Variants in AGMO observed in about 807,000 individuals in gnomAD.
AGMO encodes alkylglycerol monooxygenase, also known as glyceryl-ether monooxygenase.
AGMO carries 75 observed loss-of-function variants against 60.2 expected under a neutral mutation model. The observed-to-expected ratio is 1.25, with a 90% CI of 1.03 to 1.51. The LOEUF (loss-of-function observed/expected upper bound fraction) is 1.51. Ranked by LOEUF, AGMO falls within the 40% of genes most tolerant of loss-of-function variation. The pLI, the probability that AGMO is intolerant of heterozygous loss-of-function variation, is 0.00. For missense variants in AGMO, 763 were observed against 525.5 expected (o/e 1.45, Z -4.42); for synonymous variants, 261 against 177.1 (o/e 1.47, Z -3.76).
At chr7:15,270,338 CATATT>C (rs981194685) in intron 12 of AGMO, among the ~76,000 whole-genome samples, 1 of 151,842 alleles carries the variant, frequency 6.6e-6, no homozygotes, top group African/African-American at 2.4e-5. Context: ...GAGATGATAT[CATATT>C]GAGATTTTAA....
At chr7:15,206,340 T>C in intron 12 of AGMO, among the ~76,000 whole-genome samples, 1 of 152,036 alleles carries the variant, frequency 6.6e-6, no homozygotes, top group East Asian at 1.9e-4. Context: ...AAATATTCTA[T>C]ATATACAAAC....
At chr7:15,300,365 G>T (rs1342431345) in intron 12 of AGMO, among the ~76,000 whole-genome samples, 1 of 152,010 alleles carries the variant, frequency 6.6e-6, no homozygotes, top group Non-Finnish European at 1.5e-5. Flanking sequence ...ACCAAATTTG[G>T]GTATGTTGAA....
chr7:15,178,957 C>T, the AGMO span, among the ~76,000 whole-genome samples: 1 of 152,050 alleles, frequency 6.6e-6, no homozygotes, highest in Admixed American at 6.6e-5. Flanking sequence ...GGAAATCAGA[C>T]AGAATTTGTC....
intron 3 of AGMO, among the ~76,000 whole-genome samples, chr7:15,450,146 C>A (rs913671107): frequency 3.3e-5 from 5 of 152,066 alleles, no homozygotes; most frequent in Middle Eastern, 3.2e-3. Flanking sequence ...CAGGGCCGGG[C>A]GCGGTGGCTC....
chr7:15,496,660 C>T lies in AGMO; in HGVS notation c.409+48112G>A, dbSNP rs533834105. On this transcript the variant is annotated intron_variant, in intron 3 of 12. Transcript: ENST00000342526. ...TGAAAAAGTTCATTGTAAAATCTAG[C>T]GAGTGGGTGGTTATGTGAGTGTTTT... 5.3e-5 allele frequency among the ~76,000 whole-genome samples: 8 copies of T among 152,110 alleles called. No homozygotes were observed. In the East Asian group the frequency reaches 1.4e-3, roughly 26 times the overall value.
chr7:15,486,081 T>A (rs1452975403), intron 3 of AGMO, among the ~76,000 whole-genome samples: 3 of 152,176 alleles, frequency 2.0e-5, no homozygotes, highest in African/African-American at 7.2e-5. Flanking sequence ...CACTGCAGCA[T>A]GCAGCCCATG....
intron 3 of AGMO, among the ~76,000 whole-genome samples, chr7:15,524,547 A>T (rs1784075437): frequency 6.6e-6 from 1 of 152,158 alleles, no homozygotes; most frequent in African/African-American, 2.4e-5. Context: ...CAGTTTGGAT[A>T]TGCAACCATA....
chr7:15,321,014 T>C (rs1781092615), intron 12 of AGMO, among the ~76,000 whole-genome samples: 1 of 152,142 alleles, frequency 6.6e-6, no homozygotes, highest in Non-Finnish European at 1.5e-5. Context: ...GTCCTAGCAA[T>C]ACACAGACAG....
In AGMO at chr7:15,435,552, C is replaced by G. The variant is rs1043057271; in HGVS notation, c.410-4444G>C. 2.2e-4 allele frequency among the ~76,000 whole-genome samples: 34 copies of G among 151,920 alleles called. 2 individuals carry two copies. Among genetic ancestry groups the G allele is most frequent in the Admixed American group, 2.1e-3 (32 of 15,232 alleles). On this transcript the variant is annotated intron_variant, in intron 3 of 12. Transcript: ENST00000342526. The stretch of plus-strand genomic sequence containing the variant: ...TGAAGTGTCTATTCAAAATTTGTGC[C>G]CATATTTTAAATGGGTTGTTTTCTT...
chr7:15,227,672 G>A (rs1336557876), intron 12 of AGMO, among the ~76,000 whole-genome samples: 3 of 151,976 alleles, frequency 2.0e-5, no homozygotes, highest in South Asian at 2.1e-4. Context: ...TCACGGTAAC[G>A]CCTCCTGAAT....
At chr7:15,413,516 C>T (rs796443308) in intron 5 of AGMO, among the ~76,000 whole-genome samples, 15 of 151,966 alleles carry the variant, frequency 9.9e-5, no homozygotes, top group African/African-American at 2.2e-4. Context: ...CACAGTGGCA[C>T]GTTGTAGTCA....
At chr7:15,193,065 G>C in the AGMO span, among the ~76,000 whole-genome samples, 1 of 151,994 alleles carries the variant, frequency 6.6e-6, no homozygotes, top group South Asian at 2.1e-4. Context: ...TTATTATTTT[G>C]AATTTTTAAA....
At chr7:15,136,030 G>A in the AGMO span, among the ~76,000 whole-genome samples, 2 of 51,710 alleles carry the variant, frequency 3.9e-5, no homozygotes, top group East Asian at 1.2e-3. Flanking sequence ...TTTTGCTCTT[G>A]TTGCCCAGGC....
At chr7:15,501,168 G>A (rs901511280) in intron 3 of AGMO, among the ~76,000 whole-genome samples, 1 of 151,928 alleles carries the variant, frequency 6.6e-6, no homozygotes, top group African/African-American at 2.4e-5. Context: ...GTGGTGTTTG[G>A]CTGGAGCGTT....
chr7:15,520,498 C>T (rs1583639906), intron 3 of AGMO, among the ~76,000 whole-genome samples: 1 of 152,308 alleles, frequency 6.6e-6, no homozygotes, highest in African/African-American at 2.4e-5. Context: ...AACAAACAGT[C>T]TCTCAGACCA....
rs544870163 is a variant in AGMO, at chr7:15,250,282, A to G, written c.1264-48923T>C. Among the ~76,000 whole-genome samples the G allele has an allele frequency of 5.3e-5, 8 of 152,342 alleles. 1 individual carries two copies. In the South Asian group the frequency reaches 1.7e-3, roughly 32 times the overall value. ...TATTTATATTCCCACTACTGTACAA[A>G]GAATCCTAATACACTCAAGACTAGA... On this transcript the variant is annotated intron_variant, in intron 12 of 12. Transcript: ENST00000342526.
intron 4 of AGMO, among the ~76,000 whole-genome samples, chr7:15,419,140 G>A (rs78400720): frequency 0.097 from 14,725 of 151,516 alleles, 844 homozygotes; most frequent in South Asian, 0.15. Context: ...CTTTTAACTT[G>A]GTTTTTGTAT....
chr7:15,204,346 A>G (rs926815433), intron 12 of AGMO, among the ~76,000 whole-genome samples: 2 of 152,210 alleles, frequency 1.3e-5, no homozygotes, highest in Admixed American at 6.6e-5. Flanking sequence ...TTAGTTGATT[A>G]GATTAAATAT....
At chr7:15,379,331 G>A (rs1562471932) in intron 10 of AGMO, among the ~76,000 whole-genome samples, 1 of 152,074 alleles carries the variant, frequency 6.6e-6, no homozygotes, top group Admixed American at 6.6e-5. Flanking sequence ...TCCAGGAGCT[G>A]TTTTGGGGAA....
Sources: allele counts gnomAD v4.1 joint callset (sites outside exome capture counted in the v4.1 genomes callset), GRCh38; gene constraint gnomAD v4.1.1; transcripts MANE v1.5; gene names NCBI Gene and HGNC (gene_info 2026-07-23, HGNC 2026-07-21).